Variants in SHQ1 observed in about 807,000 individuals in gnomAD.
SHQ1 encodes protein SHQ1 homolog.
Under a neutral mutation model 53.8 loss-of-function variants are expected in SHQ1, and 49 were observed. That is an observed-to-expected ratio of 0.91 (90% CI 0.72 to 1.16). The LOEUF (loss-of-function observed/expected upper bound fraction) is 1.16, where lower values mean the gene tolerates loss of function less well. Ranked by LOEUF, SHQ1 falls within the 50% of genes most tolerant of loss-of-function variation. The pLI is 0.00. For synonymous variants in SHQ1, 243 were observed against 251.0 expected, an observed-to-expected ratio of 0.97 and a Z score of 0.30; for missense variants, 738 against 683.1, an observed-to-expected ratio of 1.08 and a Z score of -0.90.
At chr3:72,799,346 G>A (rs1706717921) in intron 9 of SHQ1, among the ~76,000 whole-genome samples, 1 of 151,914 alleles carries the variant, frequency 6.6e-6, no homozygotes. Flanking sequence ...TAGAATTCTG[G>A]GATTCTGATG....
At chr3:72,739,854 G>A in the SHQ1 span, among the ~76,000 whole-genome samples, 3 of 152,360 alleles carry the variant, frequency 2.0e-5, no homozygotes, top group Middle Eastern at 3.4e-3. Context: ...GTAAGCTTAA[G>A]AAGGTGTGGA....
chr3:72,817,594 G>A (rs1707357675), intron 6 of SHQ1, among the ~76,000 whole-genome samples: 2 of 152,146 alleles, frequency 1.3e-5, no homozygotes, highest in Non-Finnish European at 2.9e-5. Flanking sequence ...GAATAAAGAA[G>A]ATTTTTCTAA....
chr3:72,763,684 G>C (rs1705658980), intron 10 of SHQ1, among the ~76,000 whole-genome samples: 1 of 152,242 alleles, frequency 6.6e-6, no homozygotes, highest in Admixed American at 6.5e-5. Context: ...AATGCCATGT[G>C]AAGACAGAGG....
chr3:72,808,191 G>GA (rs953000111), intron 9 of SHQ1, among the ~76,000 whole-genome samples: 14 of 149,654 alleles, frequency 9.4e-5, no homozygotes, highest in East Asian at 3.9e-4. Context: ...CAGACTTAAG[G>GA]AAAAAAAAAG....
intron 1 of SHQ1, 129 bp from the exon 2 acceptor site, chr3:72,844,552 T>C (rs1188347453): frequency 1.3e-6 from 1 of 765,686 alleles, no homozygotes; most frequent in Non-Finnish European, 2.3e-6. Context: ...AGTATTTCTT[T>C]CACATTTTAA....
At chr3:72,757,384 T>TC (rs1705518337) in intron 10 of SHQ1, among the ~76,000 whole-genome samples, 1 of 149,900 alleles carries the variant, frequency 6.7e-6, no homozygotes, top group East Asian at 1.9e-4. Flanking sequence ...CTCTTTCCTT[T>TC]TTTTTTTTTT....
chr3:72,790,342 A>G (rs1314999042), intron 10 of SHQ1, among the ~76,000 whole-genome samples: 1 of 152,366 alleles, frequency 6.6e-6, no homozygotes, highest in East Asian at 1.9e-4. Context: ...GCCAAAGCAT[A>G]TATCTGACTG....
chr3:72,827,662 C>T (rs1471878414), intron 5 of SHQ1, among the ~76,000 whole-genome samples: 3 of 152,032 alleles, frequency 2.0e-5, no homozygotes, highest in Admixed American at 6.6e-5. Context: ...CATGAACAAG[C>T]GCTGACGGTG....
Position 72,848,307 on chromosome 3 carries a change from GA to G in SHQ1, c.33del (p.Pro12ArgfsTer4). On this transcript the variant is annotated frameshift_variant, in exon 1 of 11. Transcript: ENST00000325599. LOFTEE classifies it high-confidence loss of function. MLTPAFDLSQ[D>X]PDFLTIAIRV... is the part of the protein sequence containing the mutation. ...CGGATGGCGATAGTCAGGAAGTCCG[GA>G]TCCTGGCTGAGGTCGAACGCCGGGG... The G allele has an allele frequency of 6.2e-7, 1 of 1,614,142 alleles. No individual in the cohort carries two copies. Among genetic ancestry groups the G allele is most frequent in the African/African-American group, 1.3e-5 (1 of 75,040 alleles).
In SHQ1 at chr3:72,774,428, C is replaced by T. The variant is rs551861084; in HGVS notation, c.1181+18488G>A. 9.4e-4 allele frequency among the ~76,000 whole-genome samples: 140 copies of T among 149,230 alleles called. 5 individuals are homozygous for T. The South Asian group carries it at 0.028, about 30-fold the overall frequency. On this transcript the variant is annotated intron_variant, in intron 10 of 10. Transcript: ENST00000325599. ...AAAACCAAAAGTGTATGAAAACTGA[C>T]ACCATTCTAGACATAAAATTAATCT...
intron 8 of SHQ1, among the ~76,000 whole-genome samples, chr3:72,815,069 T>C (rs1376555627): frequency 6.6e-6 from 1 of 152,140 alleles, no homozygotes; most frequent in Non-Finnish European, 1.5e-5. Flanking sequence ...CTCCAATACA[T>C]GCCAACTTAC....
intron 10 of SHQ1, among the ~76,000 whole-genome samples, chr3:72,781,352 A>G (rs1005013363): frequency 2.0e-5 from 3 of 152,102 alleles, no homozygotes; most frequent in Non-Finnish European, 2.9e-5. Flanking sequence ...CACCATGCAC[A>G]GCCTCAGGTG....
At chr3:72,765,639 C>T (rs909232854) in intron 10 of SHQ1, among the ~76,000 whole-genome samples, 25 of 148,978 alleles carry the variant, frequency 1.7e-4, no homozygotes, top group Admixed American at 7.4e-4. Flanking sequence ...CTGCAACCTC[C>T]GCCTCCCAGA....
intron 1 of SHQ1, chr3:72,846,294 T>C: frequency 5.2e-6 from 8 of 1,528,200 alleles, no homozygotes; most frequent in South Asian, 1.2e-5. Flanking sequence ...GCAAACTGTA[T>C]GTTCTTTTTT....
chr3:72,753,253 A>C, intron 10 of SHQ1: 1 of 985,432 alleles, frequency 1.0e-6, no homozygotes, highest in Non-Finnish European at 1.2e-6. Flanking sequence ...AGTGGCTTTG[A>C]GACAAACTGG....
At chr3:72,747,857 T>G (rs190798767), downstream of SHQ1, among the ~76,000 whole-genome samples, 12,688 of 151,816 alleles carry the variant, frequency 0.084, 1,580 homozygotes, top group African/African-American at 0.27. Context: ...GGTGTGGTGG[T>G]GCATGCCTGT....
Position 72,825,361 on chromosome 3 carries a change from T to TACACACACACAC in SHQ1, c.600-822_600-811dup, listed in dbSNP as rs61048915. Among the ~76,000 whole-genome samples, 1,087 of 141,932 alleles carry TACACACACACAC rather than the reference T, an allele frequency of 7.7e-3. 14 individuals are homozygous for TACACACACACAC. The highest frequency in any genetic ancestry group is 0.027 in the African/African-American group (1,027 of 38,610). The allele number at this position is 141,932 out of a possible 152,430, so 93.1% of individuals were successfully genotyped here. On this transcript the variant is annotated intron_variant, in intron 5 of 10. Transcript: ENST00000325599. ...TCTCCACAAAGAGGCTAAAAGGGGC[T>TACACACACACAC]ACACACACACACACACACACACACA...
rs1316337282 is a variant in SHQ1 at position 72,750,637 on chromosome 3, CTG to C, written c.1379_1380del (p.Ser460Ter). ...TCGTTTCCAGATGACACGCTGCTGT[CTG>C]AGTCCTCCGAATCACTTGCCTCAGA... Reference protein sequence around the residue: ...SSSEASDSEDSDSSVSSGNED... With the variant: ...SSSEASDSEDXDSSVSSGNED... On this transcript the variant is annotated frameshift_variant, in exon 11 of 11. Coordinates refer to ENST00000325599, the MANE Select transcript of SHQ1 (RefSeq NM_018130.3). LOFTEE classifies it low-confidence loss of function (END_TRUNC). The C allele has an allele frequency of 6.2e-7, 1 of 1,614,124 alleles. No individual in the cohort carries two copies. Among genetic ancestry groups the C allele is most frequent in the South Asian group, 1.1e-5 (1 of 91,078 alleles).
chr3:72,825,598 G>C (rs1262404343), intron 5 of SHQ1, among the ~76,000 whole-genome samples: 2 of 152,084 alleles, frequency 1.3e-5, no homozygotes, highest in Admixed American at 6.6e-5. Context: ...CTCACTCTTG[G>C]AGGACACTTA....
Sources: gnomAD v4.1 joint callset for allele counts (sites outside exome capture counted in the v4.1 genomes callset) on GRCh38, gnomAD v4.1.1 for gene constraint, MANE v1.5 for transcripts, NCBI Gene and HGNC (gene_info 2026-07-23, HGNC 2026-07-21) for gene names.